STXBP5L: variants seen among roughly 807,000 people sequenced by gnomAD.
STXBP5L encodes the protein syntaxin-binding protein 5-like.
A neutral mutation model predicts 144.5 loss-of-function variants in STXBP5L; 65 were observed. The observed-to-expected ratio is 0.45, with a 90% CI of 0.37 to 0.55. STXBP5L has a LOEUF of 0.55. STXBP5L is among the 20% of genes least tolerant of loss of function. The pLI, the probability that STXBP5L is intolerant of heterozygous loss-of-function variation, is 0.00. For missense variants in STXBP5L, 1,298 were observed against 1,405.5 expected (o/e 0.92, Z 1.22); for synonymous variants, 505 against 469.6 (o/e 1.08, Z -0.97).
At chr3:121,355,026 C>T (rs1432101785) in intron 20 of STXBP5L, among the ~76,000 whole-genome samples, 1 of 152,220 alleles carries the variant, frequency 6.6e-6, no homozygotes, top group Non-Finnish European at 1.5e-5. Flanking sequence ...CCACTCTCTT[C>T]TGGCTTGTAG....
rs1273176096 is a variant in STXBP5L, at chr3:121,118,504, C to G, written c.606-3137C>G. ...GTGGATAGGATAGCAAGGGATAAAG[C>G]TGGAAGGTAATCAGGTTTTATAACA... On this transcript the variant is annotated intron_variant, in intron 6 of 26. Coordinates refer to ENST00000471454, the MANE Select transcript of STXBP5L (RefSeq NM_001308330.2). Among the ~76,000 whole-genome samples the G allele has an allele frequency of 3.3e-5, 5 of 151,672 alleles. No individual in the cohort carries two copies. In the South Asian group the frequency reaches 8.3e-4, roughly 25 times the overall value.
chr3:120,917,053 C>T (rs187874893), intron 2 of STXBP5L, among the ~76,000 whole-genome samples: 19 of 152,048 alleles, frequency 1.2e-4, no homozygotes, highest in African/African-American at 3.4e-4. Flanking sequence ...AGAGAAGAAC[C>T]GAGCAGAATA....
chr3:120,909,631 CT>C lies in STXBP5L; in HGVS notation c.54del (p.Gly19AlafsTer36). On this transcript the variant is annotated frameshift_variant, in exon 2 of 27. Transcript: ENST00000471454. LOFTEE classifies it high-confidence loss of function. ...TTGGATGGCTTAACTGCCTCCTCCC[CT>C]GGCAGTGGTAGCAGCAGTGGCAGTA... is the stretch of plus-strand genomic sequence containing the variant. ...KVLDGLTASS[P>X]GSGSSSGSNS... is the part of the protein sequence containing the mutation. 7 of 1,613,572 alleles carry C rather than the reference CT, an allele frequency of 4.3e-6. No homozygotes were observed. The highest frequency in any genetic ancestry group is 5.9e-6 in the Non-Finnish European group (7 of 1,179,772).
intron 3 of STXBP5L, among the ~76,000 whole-genome samples, chr3:120,981,555 C>G (rs929540841): frequency 6.6e-6 from 1 of 151,998 alleles, no homozygotes; most frequent in South Asian, 2.1e-4. Context: ...AATAATTATC[C>G]TTAGTAAGTT....
At chr3:121,418,136 C>T (rs2047281689) in intron 25 of STXBP5L, among the ~76,000 whole-genome samples, 2 of 152,150 alleles carry the variant, frequency 1.3e-5, no homozygotes, top group Admixed American at 1.3e-4. Flanking sequence ...CCTATGATAA[C>T]AATATATCTC....
chr3:121,421,608 A>G lies in STXBP5L; in HGVS notation c.*2511A>G, dbSNP rs1448162274. ...TACAATAAGTATACAATGTCTTAGC[A>G]AGATAAATTATTATACCCAAAATTA... On this transcript the variant is annotated 3_prime_UTR_variant, in exon 27 of 27. Coordinates refer to ENST00000471454, the MANE Select transcript of STXBP5L (RefSeq NM_001308330.2). The G allele has an allele frequency of 1.3e-5, 2 of 152,232 alleles. No homozygotes were observed. Among genetic ancestry groups the G allele is most frequent in the East Asian group, 3.8e-4 (2 of 5,208 alleles). 9.4% of individuals were successfully genotyped at this position (152,232 alleles called of 1,614,324 possible).
intron 3 of STXBP5L, among the ~76,000 whole-genome samples, chr3:121,015,975 C>T (rs777980121): frequency 2.6e-5 from 4 of 152,166 alleles, no homozygotes; most frequent in Non-Finnish European, 5.9e-5. Flanking sequence ...AACCAGTCTT[C>T]ATATAATAAC....
At chr3:121,043,729 A>T (rs775203773) in intron 4 of STXBP5L, among the ~76,000 whole-genome samples, 1 of 148,540 alleles carries the variant, frequency 6.7e-6, no homozygotes, top group Non-Finnish European at 1.5e-5. Context: ...AACAAACAAA[A>T]AAAGAATACT....
chr3:121,371,575 G>A (rs1346520447), intron 20 of STXBP5L, among the ~76,000 whole-genome samples: 1 of 152,250 alleles, frequency 6.6e-6, no homozygotes, highest in African/African-American at 2.4e-5. Context: ...CAGAGTGCCA[G>A]CCTTTGAGCA....
At chr3:121,355,903 C>T (rs887253355) in intron 20 of STXBP5L, among the ~76,000 whole-genome samples, 3 of 151,994 alleles carry the variant, frequency 2.0e-5, no homozygotes, top group East Asian at 1.9e-4. Flanking sequence ...GATGTTGATG[C>T]TATTCCTTTC....
chr3:121,334,312 G>C (rs1337293967), intron 20 of STXBP5L, among the ~76,000 whole-genome samples: 1 of 152,084 alleles, frequency 6.6e-6, no homozygotes, highest in Non-Finnish European at 1.5e-5. Context: ...AATTCTACCA[G>C]ATATGCAAAG....
At chr3:121,314,550 G>A (rs61796929) in intron 19 of STXBP5L, among the ~76,000 whole-genome samples, 17 of 146,018 alleles carry the variant, frequency 1.2e-4, no homozygotes, top group South Asian at 2.2e-4. Flanking sequence ...CAGCAGTACC[G>A]TCCAGCTTTG....
At chr3:121,157,715 GA>G (rs2046171150) in intron 9 of STXBP5L, 88 bp downstream of exon 9, 4 of 1,508,668 alleles carry the variant, frequency 2.7e-6, no homozygotes, top group Non-Finnish European at 8.8e-7. Context: ...GCGTTTGGTA[GA>G]AAAAAGTAAT....
intron 19 of STXBP5L, among the ~76,000 whole-genome samples, chr3:121,287,195 C>G (rs766188200): frequency 2.0e-4 from 31 of 152,166 alleles, no homozygotes; most frequent in Admixed American, 7.9e-4. Flanking sequence ...TAACTCACAT[C>G]CACTTCTATT....
intron 5 of STXBP5L, among the ~76,000 whole-genome samples, chr3:121,057,979 A>T (rs917270578): frequency 4.0e-5 from 6 of 151,684 alleles, no homozygotes; most frequent in Non-Finnish European, 7.4e-5. Flanking sequence ...GTTGTTTTTT[A>T]AAAATTTTTT....
intron 3 of STXBP5L, among the ~76,000 whole-genome samples, chr3:120,989,046 C>T (rs1942577879): frequency 1.3e-5 from 2 of 152,012 alleles, no homozygotes. Flanking sequence ...ATACACCACA[C>T]TTTATTTCTC....
chr3:120,957,814 C>A (rs1478101251), intron 3 of STXBP5L, among the ~76,000 whole-genome samples: 1 of 151,980 alleles, frequency 6.6e-6, no homozygotes, highest in Non-Finnish European at 1.5e-5. Context: ...CAGGAAAGAT[C>A]TAAAATTGAT....
intron 19 of STXBP5L, among the ~76,000 whole-genome samples, chr3:121,305,453 A>G (rs1003682664): frequency 6.6e-6 from 1 of 152,172 alleles, no homozygotes; most frequent in Admixed American, 6.5e-5. Flanking sequence ...TAAAAGAAAG[A>G]TAAAGCATCA....
chr3:121,172,974 T>C lies in STXBP5L; in HGVS notation c.877+15347T>C, dbSNP rs533238586. Among the ~76,000 whole-genome samples, 4 of 152,148 alleles carry C rather than the reference T, an allele frequency of 2.6e-5. No individual in the cohort carries two copies. The East Asian group carries it at 5.8e-4, about 22-fold the overall frequency. On this transcript the variant is annotated intron_variant, in intron 9 of 26. Coordinates refer to ENST00000471454, the MANE Select transcript of STXBP5L (RefSeq NM_001308330.2). ...GACTGGATAAAGAAACTGTGGCACATACACACCATGGAATACTATGCAGCC... is the reference window on the plus strand; with the variant it reads ...GACTGGATAAAGAAACTGTGGCACACACACACCATGGAATACTATGCAGCC...
Sources: allele counts gnomAD v4.1 joint callset (sites outside exome capture counted in the v4.1 genomes callset), GRCh38; gene constraint gnomAD v4.1.1; transcripts MANE v1.5; gene names NCBI Gene and HGNC (gene_info 2026-07-23, HGNC 2026-07-21).